The following ZCCHC24 variants were observed in gnomAD, a reference collection of about 807,000 sequenced individuals.
ZCCHC24 encodes the protein zinc finger CCHC domain-containing protein 24.
Under a neutral mutation model 26.2 loss-of-function variants are expected in ZCCHC24, and 10 were observed. That is an observed-to-expected ratio of 0.38 (90% CI 0.24 to 0.65). The LOEUF is 0.65. ZCCHC24 is among the 30% of genes least tolerant of loss of function. The pLI, the probability that ZCCHC24 is intolerant of heterozygous loss-of-function variation, is 0.54. For synonymous variants in ZCCHC24, 144 were observed against 147.1 expected, an observed-to-expected ratio of 0.98 and a Z score of 0.15; for missense variants, 243 against 329.1, an observed-to-expected ratio of 0.74 and a Z score of 2.03.
intron 2 of ZCCHC24, among the ~76,000 whole-genome samples, chr10:79,405,656 C>T (rs1856701598): frequency 1.3e-5 from 2 of 152,244 alleles, no homozygotes; most frequent in South Asian, 4.1e-4. Context: ...CCAGCCCAGC[C>T]TTCCCTGGCT....
At chr10:79,410,566 C>T (rs1202569601) in intron 2 of ZCCHC24, among the ~76,000 whole-genome samples, 7 of 152,148 alleles carry the variant, frequency 4.6e-5, no homozygotes, top group African/African-American at 9.7e-5. Flanking sequence ...GGCTAGACCA[C>T]GGGAAGCATG....
intron 2 of ZCCHC24, among the ~76,000 whole-genome samples, chr10:79,430,051 A>G (rs1857104824): frequency 6.6e-6 from 1 of 152,218 alleles, no homozygotes; most frequent in South Asian, 2.1e-4. Context: ...GTGCCTTGCC[A>G]GATGGGTGCA....
chr10:79,397,920 G>A (rs1554840437), intron 2 of ZCCHC24, among the ~76,000 whole-genome samples: 1 of 152,198 alleles, frequency 6.6e-6, no homozygotes, highest in Non-Finnish European at 1.5e-5. Context: ...GAAATGAACG[G>A]GAAGAAAACC....
In ZCCHC24 at chr10:79,385,997, A is replaced by G; in HGVS notation, c.*348T>C. On this transcript the variant is annotated 3_prime_UTR_variant, in exon 4 of 4. Transcript: ENST00000372336. This position sits in a 1 kb window ranked among gnomAD's most constrained non-coding sequence, Gnocchi z 4.3. ...AGTCAATTTAGTGCACCTGTGGCCAATACAAGGCTGCTCACCCCAAAGAGG... is the reference window on the plus strand; with the variant it reads ...AGTCAATTTAGTGCACCTGTGGCCAGTACAAGGCTGCTCACCCCAAAGAGG... 1 of 483,276 alleles carries G rather than the reference A, an allele frequency of 2.1e-6. No homozygotes were observed. The highest frequency in any genetic ancestry group is 3.7e-6 in the Non-Finnish European group (1 of 270,332). The allele number at this position is 483,276 out of a possible 1,614,324, so 29.9% of individuals were successfully genotyped here.
chr10:79,412,841 G>C lies in ZCCHC24; in HGVS notation c.448-18401C>G, dbSNP rs1856810136. 2.0e-5 allele frequency among the ~76,000 whole-genome samples: 3 copies of C among 152,214 alleles called. No individual in the cohort carries two copies. The South Asian group carries it at 6.2e-4, about 31-fold the overall frequency. The stretch of plus-strand genomic sequence containing the variant: ...TCCCCCGTGTAAGTAGGGATAATAA[G>C]ATCGATCAGGCAGGCAGTCGAGAAG... On this transcript the variant is annotated intron_variant, in intron 2 of 3. Transcript: ENST00000372336.
At chr10:79,423,388 TAA>T (rs1208688343) in intron 2 of ZCCHC24, among the ~76,000 whole-genome samples, 1 of 151,166 alleles carries the variant, frequency 6.6e-6, no homozygotes, top group East Asian at 2.0e-4. Flanking sequence ...CTGTCTCTAC[TAA>T]AAATTCAAAA....
chr10:79,391,565 G>T (rs1856478808), intron 3 of ZCCHC24, among the ~76,000 whole-genome samples: 2 of 151,942 alleles, frequency 1.3e-5, no homozygotes, highest in Admixed American at 1.3e-4. Context: ...TGTCAGCACA[G>T]ACCCCAGCAG....
intron 3 of ZCCHC24, among the ~76,000 whole-genome samples, chr10:79,387,637 C>G (rs377506735): frequency 1.3e-5 from 2 of 151,758 alleles, no homozygotes; most frequent in Non-Finnish European, 2.9e-5. Flanking sequence ...GGAGAGGGGG[C>G]AGAACCTGGA....
intron 2 of ZCCHC24, among the ~76,000 whole-genome samples, chr10:79,423,794 G>T (rs1856988865): frequency 6.6e-6 from 1 of 150,472 alleles, no homozygotes. Flanking sequence ...AAGGCAGGCG[G>T]ATCACTTGAG....
At chr10:79,401,421 G>A (rs997259471) in intron 2 of ZCCHC24, among the ~76,000 whole-genome samples, 12 of 152,240 alleles carry the variant, frequency 7.9e-5, no homozygotes, top group Non-Finnish European at 1.8e-4. Flanking sequence ...GAACGCTGAC[G>A]CATGTAGAGG....
At chr10:79,394,847 G>A (rs1032530023) in intron 2 of ZCCHC24, among the ~76,000 whole-genome samples, 10 of 152,214 alleles carry the variant, frequency 6.6e-5, no homozygotes, top group Non-Finnish European at 1.3e-4. Flanking sequence ...TACAAGCACG[G>A]AAACTGGTGG....
At position 79,411,479 on chromosome 10, in the gene ZCCHC24, C is replaced by T. The variant is rs555487792; in HGVS notation, c.448-17039G>A. Among the ~76,000 whole-genome samples the T allele has an allele frequency of 2.4e-3, 359 of 152,272 alleles. 3 individuals are homozygous for T. Among genetic ancestry groups the T allele is most frequent in the South Asian group, 9.5e-3 (46 of 4,834 alleles). ...TTCAGAGCCATGAAGGAGGACTCAA[C>T]GGAAGGGGTGTTGAGTCTGCAGCGG... is the stretch of plus-strand genomic sequence containing the variant. On this transcript the variant is annotated intron_variant, in intron 2 of 3. Coordinates refer to ENST00000372336, the MANE Select transcript of ZCCHC24 (RefSeq NM_153367.4).
chr10:79,427,156 C>T (rs908895980), intron 2 of ZCCHC24, among the ~76,000 whole-genome samples: 1 of 151,426 alleles, frequency 6.6e-6, no homozygotes, highest in Non-Finnish European at 1.5e-5. Context: ...CAACTATAAA[C>T]ATAGGTGTAC....
Position 79,394,401 on chromosome 10 carries a change from T to G in ZCCHC24, c.487A>C (p.Lys163Gln), listed in dbSNP as rs942744187. The change falls in exon 3 of 4, where the codon AAA becomes CAA. Residue 163 changes from lysine to glutamine, a missense_variant. Physicochemically the swap from Lys to Gln is moderately conservative, Grantham distance 53. Around this residue, in one of 2 missense-constraint regions of ZCCHC24, gnomAD observed 96 missense variants for 178.3 expected, o/e 0.54. Coordinates refer to ENST00000372336, the MANE Select transcript of ZCCHC24 (RefSeq NM_153367.4). The part of the protein sequence containing the change: ...KGEGLTPYQG[K>Q]KRCFGEYKCP... ...TTGTACTCGCCGAAGCAGCGCTTTTTGCCCTGGTATGGAGTCAGGCCCTCG... is the reference window on the plus strand; with the variant it reads ...TTGTACTCGCCGAAGCAGCGCTTTTGGCCCTGGTATGGAGTCAGGCCCTCG... 6.2e-7 allele frequency: 1 copy of G among 1,614,260 alleles called. No homozygotes were observed.
chr10:79,390,475 G>A (rs1240171358), intron 3 of ZCCHC24, among the ~76,000 whole-genome samples: 5 of 152,150 alleles, frequency 3.3e-5, no homozygotes, highest in Admixed American at 1.3e-4. Flanking sequence ...GAAGTCCCGG[G>A]TGAAATGATC....
At chr10:79,391,596 T>G (rs1312986330) in intron 3 of ZCCHC24, among the ~76,000 whole-genome samples, 1 of 151,892 alleles carries the variant, frequency 6.6e-6, no homozygotes, top group Non-Finnish European at 1.5e-5. Context: ...TCTGAGGCCC[T>G]GCAGAAACTG....
chr10:79,410,499 G>A (rs1310001579), intron 2 of ZCCHC24, among the ~76,000 whole-genome samples: 1 of 152,232 alleles, frequency 6.6e-6, no homozygotes, highest in Non-Finnish European at 1.5e-5. Context: ...GCATGGCTGG[G>A]GAGGAGTGAC....
chr10:79,419,724 C>T (rs1856913491), intron 2 of ZCCHC24, among the ~76,000 whole-genome samples: 1 of 152,134 alleles, frequency 6.6e-6, no homozygotes, highest in Non-Finnish European at 1.5e-5. Context: ...AAGGAGGTGA[C>T]ACTTGGAGCT....
Position 79,445,460 on chromosome 10 carries a change from C to T in ZCCHC24, c.-20G>A. The stretch of plus-strand genomic sequence containing the variant: ...GCTCATTTTGTGGCGGCGGTGCCGG[C>T]CCCTCCCCGGCCGCCCGCTCGCGGC... On this transcript the variant is annotated 5_prime_UTR_variant, in exon 1 of 4. Coordinates refer to ENST00000372336, the MANE Select transcript of ZCCHC24 (RefSeq NM_153367.4). 2 of 1,392,074 alleles carry T rather than the reference C, an allele frequency of 1.4e-6. No homozygotes were observed. Among genetic ancestry groups the T allele is most frequent in the Non-Finnish European group, 1.9e-6 (2 of 1,063,338 alleles). 86.2% of individuals were successfully genotyped at this position (1,392,074 alleles called of 1,614,324 possible). A position where few individuals can be genotyped will look rare whatever the true frequency, so the allele number is the denominator to read the frequency against.
Sources: allele counts gnomAD v4.1 joint callset (sites outside exome capture counted in the v4.1 genomes callset), GRCh38; gene constraint gnomAD v4.1.1; regional missense constraint gnomAD v4.1.1; non-coding constraint Gnocchi (gnomAD v3.1); transcripts MANE v1.5; gene names NCBI Gene and HGNC (gene_info 2026-07-23, HGNC 2026-07-21).